Variants in ANO1 observed in about 807,000 individuals in gnomAD.
The protein encoded by ANO1 is anoctamin 1.
Under a neutral mutation model 124.0 loss-of-function variants are expected in ANO1, and 59 were observed. That is an observed-to-expected ratio of 0.48 (90% confidence interval 0.39 to 0.59). ANO1 has a LOEUF of 0.59. Among genes scored for constraint, ANO1 ranks in the 20% least tolerant of loss-of-function variants. ANO1 has a pLI of 0.00. For missense variants in ANO1, 1,059 were observed against 1,328.0 expected, an observed-to-expected ratio of 0.80 and a Z score of 3.15; for synonymous variants, 529 against 532.0, an observed-to-expected ratio of 0.99 and a Z score of 0.08.
chr11:70,119,037 G>C (rs529913544), intron 8 of ANO1, among the ~76,000 whole-genome samples: 22 of 150,078 alleles, frequency 1.5e-4, no homozygotes, highest in Non-Finnish European at 3.0e-5. Flanking sequence ...ATGATGGAAG[G>C]ATGAATGATG....
At chr11:70,111,863 C>A in intron 7 of ANO1, 101 bp downstream of exon 7, 1 of 1,229,910 alleles carries the variant, frequency 8.1e-7, no homozygotes, top group South Asian at 1.2e-5. Context: ...GTGGTCACAG[C>A]TTCCTGCTTG....
chr11:69,982,838 C>A (rs1855970833), upstream of ANO1, among the ~76,000 whole-genome samples: 1 of 152,186 alleles, frequency 6.6e-6, no homozygotes, highest in Non-Finnish European at 1.5e-5. Flanking sequence ...GGCAGGCATT[C>A]AAAGAGCCAA....
intron 8 of ANO1, among the ~76,000 whole-genome samples, chr11:70,117,868 C>T (rs745641224): frequency 6.6e-5 from 10 of 152,172 alleles, no homozygotes; most frequent in Non-Finnish European, 1.3e-4. Context: ...ACAACTTGCC[C>T]GCCTGGGAAT....
chr11:70,103,160 A>G lies in ANO1; in HGVS notation c.536A>G (p.Lys179Arg), dbSNP rs61887670. Residue 179 changes from lysine to arginine, a missense_variant, in exon 3 of 26, where the codon AAG (lysine) becomes AGG (arginine). Physicochemically the swap from Lys to Arg is conservative, Grantham distance 26. This residue lies in a region of ANO1 where 809 missense variants were observed against 1,094.9 expected (regional missense o/e 0.74). Transcript: ENST00000355303. ...TTTCTGAAACTGAAGATGCCGACGAAGAAGGTTGGTGTTGATGGTCCTGCT... is the reference window on the plus strand; with the variant it reads ...TTTCTGAAACTGAAGATGCCGACGAGGAAGGTTGGTGTTGATGGTCCTGCT... Reference protein sequence around the residue: ...AEFLKLKMPTKKMYHINETRG... With the variant: ...AEFLKLKMPTRKMYHINETRG... 1.8e-5 allele frequency: 29 copies of G among 1,609,234 alleles called. No individual in the cohort carries two copies. The highest frequency in any genetic ancestry group is 2.4e-5 in the Non-Finnish European group (28 of 1,177,770).
chr11:70,116,359 CGAG>C, intron 7 of ANO1, 96 bp from the exon 8 acceptor site: 2 of 1,228,008 alleles, frequency 1.6e-6, no homozygotes, highest in South Asian at 2.7e-5. Context: ...TTTGTGTCAA[CGAG>C]AGCTGCTGGG....
At position 70,071,423 on chromosome 11, in the gene ANO1, C is replaced by G. The variant is rs142034156; in HGVS notation, c.59-7119C>G. Among the ~76,000 whole-genome samples the G allele has an allele frequency of 2.6e-5, 4 of 152,228 alleles. 1 individual carries two copies. Among genetic ancestry groups the G allele is most frequent in the African/African-American group, 9.6e-5 (4 of 41,540 alleles). ...TGACAAAGCAGAAAATAAAAGCCAT[C>G]CAATATAATTTTCCTTAAATAATAG... On this transcript the variant is annotated intron_variant, in intron 1 of 27. Coordinates refer to the ANO1 transcript ENST00000531349.
chr11:70,028,243 G>A (rs1591044021), intron 1 of ANO1, among the ~76,000 whole-genome samples: 1 of 152,190 alleles, frequency 6.6e-6, no homozygotes, highest in Non-Finnish European at 1.5e-5. Flanking sequence ...GGGATTTAAT[G>A]TTTATTTCAA....
Position 70,070,918 on chromosome 11 carries a change from G to A in ANO1, c.59-7624G>A, listed in dbSNP as rs142607413. Among the ~76,000 whole-genome samples, 1,176 of 152,286 alleles carry A rather than the reference G, an allele frequency of 7.7e-3. 14 individuals carry two copies. The highest frequency in any genetic ancestry group is 0.017 in the Middle Eastern group (5 of 294). ...AGAACTGCTCGTGGAGGGCATCTGC[G>A]TTAGTCCCCTGCTCCCCAGCGCTGC... On this transcript the variant is annotated intron_variant, in intron 1 of 27. Transcript: ENST00000531349.
At chr11:70,104,218 G>A (rs1290809790) in intron 4 of ANO1, 68 bp downstream of exon 4, 1 of 1,487,298 alleles carries the variant, frequency 6.7e-7, no homozygotes, top group Non-Finnish European at 9.0e-7. Context: ...TCTAGCATGA[G>A]AAATGCAGAT....
At chr11:70,054,316 A>C (rs2135090575) in intron 1 of ANO1, among the ~76,000 whole-genome samples, 1 of 152,338 alleles carries the variant, frequency 6.6e-6, no homozygotes, top group Middle Eastern at 3.4e-3. Flanking sequence ...TGTCCTTTCA[A>C]AGGCAAGCCA....
chr11:70,147,469 T>C (rs1051091962), intron 11 of ANO1, among the ~76,000 whole-genome samples: 1 of 152,206 alleles, frequency 6.6e-6, no homozygotes, highest in Admixed American at 6.5e-5. Flanking sequence ...TGGTGCTCAG[T>C]GCGTGTCTGC....
At chr11:70,156,820 T>C in intron 15 of ANO1, 127 bp from the exon 16 acceptor site, 1 of 787,288 alleles carries the variant, frequency 1.3e-6, no homozygotes. Flanking sequence ...TTGAGGTTTT[T>C]CTGAGTATTT....
chr11:70,099,381 A>G lies in ANO1; in HGVS notation c.442-3685A>G, dbSNP rs180732022. Among the ~76,000 whole-genome samples, 103 of 152,230 alleles carry G rather than the reference A, an allele frequency of 6.8e-4. 1 individual carries two copies. In the East Asian group the frequency reaches 0.02, roughly 29 times the overall value. ...CTGTTGCTCATGTAAACGGGGGTGC[A>G]TGTTTTCCCAGGGAGGCCAGCAGCA... On this transcript the variant is annotated intron_variant, in intron 2 of 25. Coordinates refer to ENST00000355303, the MANE Select transcript of ANO1 (RefSeq NM_018043.7).
the ANO1 span, among the ~76,000 whole-genome samples, chr11:69,967,816 G>T: frequency 6.6e-6 from 1 of 152,204 alleles, no homozygotes; most frequent in Non-Finnish European, 1.5e-5. Flanking sequence ...GAAAAGAGGG[G>T]CTGAGAATTC....
intron 1 of ANO1, among the ~76,000 whole-genome samples, chr11:70,013,726 C>T (rs1166766457): frequency 2.6e-5 from 4 of 151,456 alleles, no homozygotes; most frequent in Admixed American, 2.6e-4. Flanking sequence ...CGTCCAAACT[C>T]GGGAAGCGGA....
chr11:70,024,301 A>T (rs1360449604), intron 1 of ANO1, among the ~76,000 whole-genome samples: 1 of 152,238 alleles, frequency 6.6e-6, no homozygotes, highest in Non-Finnish European at 1.5e-5. Context: ...CAGATCCCTG[A>T]GACCATCTGG....
At chr11:70,031,466 T>C (rs1857000200) in intron 1 of ANO1, among the ~76,000 whole-genome samples, 2 of 152,198 alleles carry the variant, frequency 1.3e-5, no homozygotes, top group South Asian at 4.1e-4. Flanking sequence ...TGAAACTTTG[T>C]ATCCTTTGAT....
At chr11:70,106,054 C>A (rs905224857) in intron 5 of ANO1, among the ~76,000 whole-genome samples, 3 of 152,038 alleles carry the variant, frequency 2.0e-5, no homozygotes, top group Non-Finnish European at 4.4e-5. Context: ...TTTCAAAGGT[C>A]GGTGTTTCTG....
intron 19 of ANO1, among the ~76,000 whole-genome samples, chr11:70,164,080 A>G (rs369640499): frequency 1.3e-5 from 2 of 152,228 alleles, no homozygotes; most frequent in South Asian, 2.1e-4. Flanking sequence ...GATCCTGGCC[A>G]TAGAAGGTCT....
Sources: gnomAD v4.1 joint callset for allele counts (sites outside exome capture counted in the v4.1 genomes callset) on GRCh38, gnomAD v4.1.1 for gene constraint, gnomAD v4.1.1 regional missense constraint, MANE v1.5 for transcripts, NCBI Gene and HGNC (gene_info 2026-07-23, HGNC 2026-07-21) for gene names.